The following OSBPL6 variants were observed in gnomAD, a reference collection of about 807,000 sequenced individuals.
The protein encoded by OSBPL6 is oxysterol-binding protein-related protein 6.
A neutral mutation model predicts 125.8 loss-of-function variants in OSBPL6; 49 were observed. The ratio of observed to expected loss-of-function variants is 0.39; its 90% CI spans 0.31 to 0.49. OSBPL6 has a LOEUF of 0.49. Ranked by LOEUF, OSBPL6 falls within the 20% of genes least tolerant of loss-of-function variation. OSBPL6 has a pLI of 0.88. For synonymous variants in OSBPL6, 394 were observed against 391.8 expected (o/e 1.01, Z -0.07); for missense variants, 986 against 1,135.4 (o/e 0.87, Z 1.89).
At chr2:178,391,426 G>A (rs1695396789) in intron 22 of OSBPL6, among the ~76,000 whole-genome samples, 1 of 152,196 alleles carries the variant, frequency 6.6e-6, no homozygotes, top group South Asian at 2.1e-4. Flanking sequence ...AATAAAGAAT[G>A]TAGGCCAAAT....
intron 1 of OSBPL6, among the ~76,000 whole-genome samples, chr2:178,257,553 A>T (rs1363365636): frequency 6.6e-6 from 1 of 152,250 alleles, no homozygotes; most frequent in African/African-American, 2.4e-5. Context: ...ACAAATCCTC[A>T]TTACTATGAA....
intron 1 of OSBPL6, among the ~76,000 whole-genome samples, chr2:178,233,204 G>C (rs960548004): frequency 6.6e-6 from 1 of 152,176 alleles, no homozygotes; most frequent in Non-Finnish European, 1.5e-5. Flanking sequence ...TTCAGGCTTG[G>C]ATAGGTTTGG....
intron 2 of OSBPL6, among the ~76,000 whole-genome samples, chr2:178,295,667 G>A (rs1167922376): frequency 6.6e-6 from 1 of 152,084 alleles, no homozygotes; most frequent in African/African-American, 2.4e-5. Context: ...AGTGGACAAT[G>A]GAAGTCCTGT....
intron 3 of OSBPL6, chr2:178,320,337 T>C (rs1039381193): frequency 6.2e-7 from 1 of 1,612,936 alleles, no homozygotes; most frequent in Non-Finnish European, 8.5e-7. Flanking sequence ...GAAATATGTG[T>C]TCCAGGTTCC....
At position 178,382,523 on chromosome 2, in the gene OSBPL6, G is replaced by T. The variant is rs920852575; in HGVS notation, c.1621+16G>T. ...TCTCGGCAAAGTATGCATCATTTGA[G>T]CTTCCAGGTTGTTCTATCTACATGC... On this transcript the variant is annotated intron_variant, in intron 16 of 24. Transcript: ENST00000190611. 6.2e-7 allele frequency: 1 copy of T among 1,613,954 alleles called. No homozygotes were observed. Among genetic ancestry groups the T allele is most frequent in the Admixed American group, 1.7e-5 (1 of 59,986 alleles).
chr2:178,208,507 C>G (rs2089658959), intron 1 of OSBPL6, among the ~76,000 whole-genome samples: 1 of 152,110 alleles, frequency 6.6e-6, no homozygotes, highest in Admixed American at 6.5e-5. Context: ...TTTCAAAATA[C>G]TTATTTGCTT....
intron 11 of OSBPL6, among the ~76,000 whole-genome samples, chr2:178,347,067 C>T (rs1690788545): frequency 6.6e-6 from 1 of 152,084 alleles, no homozygotes; most frequent in South Asian, 2.1e-4. Context: ...AAATTTGTAA[C>T]TTACGTTTTT....
chr2:178,327,388 T>C (rs1223048573), intron 4 of OSBPL6, among the ~76,000 whole-genome samples: 2 of 152,134 alleles, frequency 1.3e-5, no homozygotes, highest in Admixed American at 6.6e-5. Flanking sequence ...TCCAGAGATA[T>C]TATCCATGGA....
At chr2:178,361,258 G>A (rs1340179255) in intron 12 of OSBPL6, among the ~76,000 whole-genome samples, 2 of 152,134 alleles carry the variant, frequency 1.3e-5, no homozygotes, top group African/African-American at 4.8e-5. Flanking sequence ...CATGCTTTTG[G>A]AGAATATTTT....
intron 12 of OSBPL6, 29 bp downstream of exon 12, chr2:178,349,418 A>G (rs1404287248): frequency 6.2e-7 from 1 of 1,601,172 alleles, no homozygotes; most frequent in Non-Finnish European, 8.5e-7. Context: ...CGCCCTTTAA[A>G]GAAGCTCTCT....
At chr2:178,257,982 G>A (rs529109361) in intron 1 of OSBPL6, among the ~76,000 whole-genome samples, 1 of 151,932 alleles carries the variant, frequency 6.6e-6, no homozygotes, top group South Asian at 2.1e-4. Flanking sequence ...GTAGAAACAG[G>A]GTCTACCTAT....
chr2:178,249,323 T>C (rs182710422), intron 1 of OSBPL6, among the ~76,000 whole-genome samples: 36 of 152,346 alleles, frequency 2.4e-4, no homozygotes, highest in Non-Finnish European at 4.9e-4. Context: ...AAATGTGAAC[T>C]TTTTCCAATT....
chr2:178,247,233 A>G (rs973652004), intron 1 of OSBPL6, among the ~76,000 whole-genome samples: 2 of 151,852 alleles, frequency 1.3e-5, no homozygotes, highest in Non-Finnish European at 2.9e-5. Context: ...GTTGTATTCA[A>G]TCAACTCTCA....
At chr2:178,331,202 A>C (rs1689169124) in intron 5 of OSBPL6, among the ~76,000 whole-genome samples, 3 of 152,214 alleles carry the variant, frequency 2.0e-5, no homozygotes, top group Admixed American at 2.0e-4. Context: ...CTCCTTACAG[A>C]GTCACTGTGA....
intron 1 of OSBPL6, among the ~76,000 whole-genome samples, chr2:178,212,184 G>A (rs1310413379): frequency 6.6e-6 from 1 of 152,130 alleles, no homozygotes; most frequent in African/African-American, 2.4e-5. Flanking sequence ...ACACTGTAGA[G>A]GTTTCCCTGA....
intron 1 of OSBPL6, among the ~76,000 whole-genome samples, chr2:178,224,724 C>T (rs971903579): frequency 1.3e-5 from 2 of 152,156 alleles, no homozygotes; most frequent in East Asian, 3.8e-4. Flanking sequence ...TGCTTGAGTC[C>T]AGGAGTTCAA....
At chr2:178,274,959 G>A (rs1283738034) in intron 1 of OSBPL6, among the ~76,000 whole-genome samples, 1 of 151,846 alleles carries the variant, frequency 6.6e-6, no homozygotes, top group East Asian at 1.9e-4. Flanking sequence ...ACTTTCCAGA[G>A]TCTCTGAAGC....
At chr2:178,249,716 C>T (rs559902612) in intron 1 of OSBPL6, among the ~76,000 whole-genome samples, 9 of 152,236 alleles carry the variant, frequency 5.9e-5, no homozygotes, top group African/African-American at 2.2e-4. Flanking sequence ...AATCCCTCTA[C>T]TTTCTACAAC....
intron 12 of OSBPL6, among the ~76,000 whole-genome samples, chr2:178,358,899 G>C (rs1692065020): frequency 2.0e-5 from 3 of 152,108 alleles, no homozygotes; most frequent in Non-Finnish European, 4.4e-5. Context: ...TTAATATCCA[G>C]GATGTATAAA....
Sources: gnomAD v4.1 joint callset for allele counts (sites outside exome capture counted in the v4.1 genomes callset) on GRCh38, gnomAD v4.1.1 for gene constraint, MANE v1.5 for transcripts, NCBI Gene and HGNC (gene_info 2026-07-23, HGNC 2026-07-21) for gene names.